Variants in KIF1B observed in about 807,000 individuals in gnomAD.
KIF1B encodes the protein kinesin family member 1B.
Under a neutral mutation model 241.9 loss-of-function variants are expected in KIF1B, and 76 were observed. The ratio of observed to expected loss-of-function variants is 0.31; its 90% CI spans 0.26 to 0.38. KIF1B has a LOEUF of 0.38. KIF1B is among the 10% of genes least tolerant of loss of function. KIF1B has a pLI of 1.00. For missense variants in KIF1B, 1,622 were observed against 2,271.4 expected (o/e 0.71, Z 5.81); for synonymous variants, 750 against 796.7 (o/e 0.94, Z 0.99).
intron 22 of KIF1B, chr1:10,307,654 A>G (rs568242121): frequency 3.9e-6 from 4 of 1,016,926 alleles, no homozygotes; most frequent in East Asian, 6.7e-5. Flanking sequence ...TAAATACCAC[A>G]AGGCCAAAGA....
intron 5 of KIF1B, among the ~76,000 whole-genome samples, chr1:10,263,986 T>C (rs1195112341): frequency 6.6e-6 from 1 of 152,214 alleles, no homozygotes; most frequent in Admixed American, 6.5e-5. Flanking sequence ...TTGCCTGAAA[T>C]GTTGTTCACT....
At chr1:10,219,922 G>A (rs1356012551) in intron 1 of KIF1B, among the ~76,000 whole-genome samples, 3 of 151,636 alleles carry the variant, frequency 2.0e-5, no homozygotes, top group Admixed American at 1.3e-4. Context: ...AAATTTAGTG[G>A]ATGGGCGCGG....
At chr1:10,321,678 G>A (rs368361947) in intron 23 of KIF1B, 31 bp from the exon 24 acceptor site, 161 of 1,610,226 alleles carry the variant, frequency 1.0e-4, no homozygotes, top group Non-Finnish European at 1.3e-4. Context: ...TTGTAAGATT[G>A]CCATTAAATA....
chr1:10,348,666 C>T lies in KIF1B; in HGVS notation c.3882C>T (p.Ile1294=). 1 of 1,614,024 alleles carries T rather than the reference C, an allele frequency of 6.2e-7. No homozygotes were observed. The highest frequency in any genetic ancestry group is 2.2e-5 in the East Asian group (1 of 44,886). Residue 1294 remains isoleucine, a synonymous_variant, in exon 37 of 49, where the codon ATC becomes ATT. Coordinates refer to ENST00000676179, the MANE Select transcript of KIF1B (RefSeq NM_001365951.3). ...TTACCTAGGGCATCCAGCGAAGGATCACAGTGACCATTATCCATGAGAAGG... is the reference window on the plus strand; with the variant it reads ...TTACCTAGGGCATCCAGCGAAGGATTACAGTGACCATTATCCATGAGAAGG... ...FLLHQGIQRR[I]TVTIIHEKGS... is the part of the protein sequence containing the mutation.
At position 10,247,858 on chromosome 1, in the gene KIF1B, C is replaced by T. The variant is rs185288406; in HGVS notation, c.107-8389C>T. Among the ~76,000 whole-genome samples, 167 of 152,174 alleles carry T rather than the reference C, an allele frequency of 1.1e-3. 1 individual carries two copies. The highest frequency in any genetic ancestry group is 2.2e-3 in the Non-Finnish European group (149 of 68,010). ...AGACGGGGGTGGAAGTGTATGGTTT[C>T]GGGATGAAACCGTTCCATCTCAGAT... On this transcript the variant is annotated intron_variant, in intron 2 of 48. Transcript: ENST00000676179.
chr1:10,345,762 T>C (rs1336090267), intron 34 of KIF1B, 83 bp from the exon 35 acceptor site: 15 of 1,007,052 alleles, frequency 1.5e-5, no homozygotes, highest in Non-Finnish European at 2.2e-5. Flanking sequence ...AAGTATGTCT[T>C]TAAAGACTGA....
chr1:10,280,026 A>G (rs1649327339), intron 14 of KIF1B, among the ~76,000 whole-genome samples: 1 of 152,002 alleles, frequency 6.6e-6, no homozygotes, highest in Non-Finnish European at 1.5e-5. Flanking sequence ...TAAGTCACAA[A>G]TTAAAATAAC....
intron 1 of KIF1B, among the ~76,000 whole-genome samples, chr1:10,219,035 A>T (rs915365435): frequency 3.9e-5 from 6 of 152,206 alleles, no homozygotes; most frequent in Non-Finnish European, 7.3e-5. Flanking sequence ...ATTTAATGCA[A>T]AAAGGGAAAG....
chr1:10,252,053 T>G (rs1647481149), intron 2 of KIF1B, among the ~76,000 whole-genome samples: 1 of 152,064 alleles, frequency 6.6e-6, no homozygotes, highest in Non-Finnish European at 1.5e-5. Context: ...TATTTATTTA[T>G]TTTTGAGATG....
Position 10,343,235 on chromosome 1 carries a change from G to T in KIF1B, c.3636G>T (p.Pro1212=). 4.3e-6 allele frequency: 7 copies of T among 1,614,072 alleles called. 1 individual carries two copies. The highest frequency in any genetic ancestry group is 2.2e-5 in the South Asian group (2 of 91,070). The change falls in exon 34 of 49, where the codon CCG becomes CCT. Residue 1212 remains proline, a synonymous_variant. Coordinates refer to ENST00000676179, the MANE Select transcript of KIF1B (RefSeq NM_001365951.3). ...CTTTGTCTTCCTTTCTTTGCAGTCC[G>T]CCTCAGCCGTGCCGCCGATTCTTCC... The part of the protein sequence containing the change: ...LHLQGQELNS[P]PQPCRRFFPP...
intron 38 of KIF1B, among the ~76,000 whole-genome samples, chr1:10,359,941 G>A (rs932819768): frequency 6.6e-6 from 1 of 152,106 alleles, no homozygotes; most frequent in Non-Finnish European, 1.5e-5. Flanking sequence ...GCTGAGTCAA[G>A]AGAATCGCTT....
chr1:10,361,987 A>G lies in KIF1B; in HGVS notation c.4304+162A>G, dbSNP rs80037160. On this transcript the variant is annotated intron_variant, in intron 40 of 48. Transcript: ENST00000676179. Reference sequence around the variant, plus strand: ...GTACTGACTTGCATGCTGACATTTAATAAAATGTTGATGGATGGACGAGTT... The same window carrying G: ...GTACTGACTTGCATGCTGACATTTAGTAAAATGTTGATGGATGGACGAGTT... 0.016 allele frequency among the ~76,000 whole-genome samples: 2,495 copies of G among 152,308 alleles called. 56 individuals are homozygous for G. Among genetic ancestry groups the G allele is most frequent in the African/African-American group, 0.056 (2,308 of 41,552 alleles).
intron 44 of KIF1B, among the ~76,000 whole-genome samples, chr1:10,368,916 A>G (rs1176375698): frequency 2.7e-5 from 4 of 148,348 alleles, no homozygotes; most frequent in African/African-American, 1.0e-4. Context: ...GAGTGAAGTA[A>G]ACACTTCAGA....
intron 28 of KIF1B, among the ~76,000 whole-genome samples, chr1:10,336,436 C>T (rs761327344): frequency 2.0e-5 from 3 of 152,196 alleles, no homozygotes; most frequent in Non-Finnish European, 4.4e-5. Flanking sequence ...CGTGAGCCAC[C>T]GCACCCGGCC....
Position 10,264,474 on chromosome 1 carries a change from T to G in KIF1B, c.429+2504T>G, listed in dbSNP as rs112084901. ...TATTTGGGTTCTCTTTGTCTCACAT[T>G]TGTGTGAAAAGGTACGAGTGTTCCA... On this transcript the variant is annotated intron_variant, in intron 5 of 48. Transcript: ENST00000676179. Among the ~76,000 whole-genome samples, 858 of 152,320 alleles carry G rather than the reference T, an allele frequency of 5.6e-3. 11 individuals carry two copies. The highest frequency in any genetic ancestry group is 0.019 in the African/African-American group (798 of 41,568).
Position 10,279,151 on chromosome 1 carries a change from CAT to C in KIF1B, c.1222+16_1222+17del, listed in dbSNP as rs35347635. 0.28 allele frequency: 425,963 copies of C among 1,515,770 alleles called. 62,291 individuals are homozygous for C. Among genetic ancestry groups the C allele is most frequent in the Admixed American group, 0.33 (16,548 of 50,830 alleles). 93.9% of individuals were successfully genotyped at this position (1,515,770 alleles called of 1,614,324 possible). A position where few individuals can be genotyped will look rare whatever the true frequency, so the allele number is the denominator to read the frequency against. On this transcript the variant is annotated intron_variant, in intron 14 of 48. Transcript: ENST00000676179. ...AGTGGAAGCAAATGTGTGTATTTCA[CAT>C]ATTGGTTATTTCCAGTACTCTGACT...
chr1:10,282,853 T>C (rs1386313209), intron 15 of KIF1B, among the ~76,000 whole-genome samples: 5 of 151,424 alleles, frequency 3.3e-5, no homozygotes, highest in Admixed American at 6.5e-5. Context: ...AGAAATTTAT[T>C]TGGAAACGTG....
At position 10,332,579 on chromosome 1, in the gene KIF1B, G is replaced by C. The variant is rs1201335942; in HGVS notation, c.2925-1941G>C. On this transcript the variant is annotated intron_variant, in intron 27 of 48. Coordinates refer to ENST00000676179, the MANE Select transcript of KIF1B (RefSeq NM_001365951.3). ...CGCCCAGGCTGGAGTGCAGTGGCGC[G>C]ATCTCGGCTCACTGCAAGCTCCGCC... is the stretch of plus-strand genomic sequence containing the variant. 1.5e-4 allele frequency among the ~76,000 whole-genome samples: 19 copies of C among 123,232 alleles called. No homozygotes were observed. The Admixed American group carries it at 1.7e-3, about 11-fold the overall frequency. 80.8% of individuals were successfully genotyped at this position (123,232 alleles called of 152,430 possible).
intron 32 of KIF1B, 43 bp from the exon 33 acceptor site, chr1:10,342,005 ATG>A: frequency 7.7e-7 from 1 of 1,296,644 alleles, no homozygotes; most frequent in Non-Finnish European, 1.1e-6. Flanking sequence ...TGAAGCAAAA[ATG>A]TGTATTTTCT....
Sources: allele counts gnomAD v4.1 joint callset (sites outside exome capture counted in the v4.1 genomes callset), GRCh38; gene constraint gnomAD v4.1.1; transcripts MANE v1.5; gene names NCBI Gene and HGNC (gene_info 2026-07-23, HGNC 2026-07-21).